Variants in SREBF1 observed in about 807,000 individuals in gnomAD.
The protein encoded by SREBF1 is sterol regulatory element-binding protein 1.
A neutral mutation model predicts 100.1 loss-of-function variants in SREBF1; 45 were observed. The observed-to-expected ratio is 0.45, with a 90% confidence interval of 0.35 to 0.58. The LOEUF (loss-of-function observed/expected upper bound fraction) is 0.58. Ranked by LOEUF, SREBF1 falls within the 20% of genes least tolerant of loss-of-function variation. The pLI, the probability that SREBF1 is intolerant of heterozygous loss-of-function variation, is 0.00. For synonymous variants in SREBF1, 657 were observed against 681.8 expected, an observed-to-expected ratio of 0.96 and a Z score of 0.57; for missense variants, 1,324 against 1,539.4, an observed-to-expected ratio of 0.86 and a Z score of 2.34.
At chr17:17,827,838 C>G (rs780889499) in intron 1 of SREBF1, among the ~76,000 whole-genome samples, 5 of 152,208 alleles carry the variant, frequency 3.3e-5, no homozygotes, top group Non-Finnish European at 5.9e-5. Flanking sequence ...TCTGCCCTGA[C>G]CAGCTATCCT....
rs1241155958 is a variant in SREBF1, at chr17:17,817,385, G to A, written c.1477C>T (p.Leu493Phe). Reference sequence around the variant, plus strand: ...TTGCAGGACAGGCAGAGGAAGACGAGCGTGCACAGGGCCAGGCGGGAGCGG... The same window carrying A: ...TTGCAGGACAGGCAGAGGAAGACGAACGTGCACAGGGCCAGGCGGGAGCGG... ...LDRSRLALCT[L>F]VFLCLSCNPL... Residue 493 changes from leucine to phenylalanine, a missense_variant, in exon 8 of 19, where the codon CTC becomes TTC. Physicochemically the swap from Leu to Phe is conservative, Grantham distance 22. Coordinates refer to ENST00000261646, the MANE Select transcript of SREBF1 (RefSeq NM_004176.5). The surrounding 1 kb of genome is among the most constrained non-coding windows in gnomAD (Gnocchi z 6.6). 6.2e-7 allele frequency: 1 copy of A among 1,606,756 alleles called. No individual in the cohort carries two copies. The highest frequency in any genetic ancestry group is 1.3e-5 in the African/African-American group (1 of 74,828).
chr17:17,835,014 C>T (rs1022816870), intron 1 of SREBF1, among the ~76,000 whole-genome samples: 2 of 152,178 alleles, frequency 1.3e-5, no homozygotes, highest in Non-Finnish European at 2.9e-5. Flanking sequence ...AGGTCTGTAT[C>T]AGACCTGTGG....
chr17:17,816,805 A>G, intron 9 of SREBF1, 87 bp from the exon 10 acceptor site: 1 of 1,573,620 alleles, frequency 6.4e-7, no homozygotes, highest in South Asian at 1.1e-5. Flanking sequence ...CAGGCTCTGG[A>G]GGGGTGGTGG....
At position 17,819,856 on chromosome 17, in the gene SREBF1, G is replaced by C. The variant is rs56174147; in HGVS notation, c.524-131C>G. On this transcript the variant is annotated intron_variant, in intron 2 of 18. Coordinates refer to ENST00000261646, the MANE Select transcript of SREBF1 (RefSeq NM_004176.5). ...ATGTGGCTTCCTATGGACAGTCCCTGCCTGGGCTCTGATGCAAATGCACTG... is the reference window on the plus strand; with the variant it reads ...ATGTGGCTTCCTATGGACAGTCCCTCCCTGGGCTCTGATGCAAATGCACTG... 5,164 of 1,315,960 alleles carry C rather than the reference G, an allele frequency of 3.9e-3. 10 individuals carry two copies. Among genetic ancestry groups the C allele is most frequent in the Non-Finnish European group, 4.8e-3 (4,719 of 986,920 alleles). 81.5% of individuals were successfully genotyped at this position (1,315,960 alleles called of 1,614,324 possible).
rs976691483 is a variant in SREBF1, at chr17:17,812,306, C to G, written c.*316G>C. The G allele has an allele frequency of 1.8e-4, 89 of 498,764 alleles. No homozygotes were observed. In the South Asian group the frequency reaches 1.8e-3, roughly 10 times the overall value. The allele number at this position is 498,764 out of a possible 1,614,324, so 30.9% of individuals were successfully genotyped here. ...TCCGTCAGCACAGGGAAATGTACCCCTCTCTTCCCTGTACACAGGAGGAAA... is the reference window on the plus strand; with the variant it reads ...TCCGTCAGCACAGGGAAATGTACCCGTCTCTTCCCTGTACACAGGAGGAAA... On this transcript the variant is annotated 3_prime_UTR_variant, in exon 19 of 19. Coordinates refer to ENST00000261646, the MANE Select transcript of SREBF1 (RefSeq NM_004176.5).
rs1487345046 is a variant in SREBF1, at chr17:17,811,860, C to A, written c.*762G>T. The A allele has an allele frequency of 4.6e-6, 2 of 439,452 alleles. No homozygotes were observed. Among genetic ancestry groups the A allele is most frequent in the South Asian group, 1.6e-5 (1 of 62,940 alleles). The allele number at this position is 439,452 out of a possible 1,614,324, so 27.2% of individuals were successfully genotyped here. A position where few individuals can be genotyped will look rare whatever the true frequency, so the allele number is the denominator to read the frequency against. The stretch of plus-strand genomic sequence containing the variant: ...GCCCTAAGGGTTGACACAGCCCAAC[C>A]ATGTGCCCTGGGAGCAGGGGGAACA... On this transcript the variant is annotated 3_prime_UTR_variant, in exon 19 of 19. Coordinates refer to ENST00000261646, the MANE Select transcript of SREBF1 (RefSeq NM_004176.5).
At chr17:17,832,886 A>C (rs1598142066) in intron 1 of SREBF1, among the ~76,000 whole-genome samples, 1 of 151,288 alleles carries the variant, frequency 6.6e-6, no homozygotes, top group Admixed American at 6.6e-5. Context: ...GCGCCACTGC[A>C]CTCCAGCCTG....
intron 1 of SREBF1, among the ~76,000 whole-genome samples, chr17:17,826,475 C>T (rs946652600): frequency 6.6e-6 from 1 of 152,068 alleles, no homozygotes; most frequent in African/African-American, 2.4e-5. Context: ...AACCGGGCTT[C>T]CCTATGAACA....
chr17:17,820,348 C>T lies in SREBF1; in HGVS notation c.265G>A (p.Gly89Arg), dbSNP rs780437419. Residue 89 changes from glycine to arginine, a missense_variant, in exon 2 of 19, where the codon GGG becomes AGG. Physicochemically the swap from Gly to Arg is moderately radical, Grantham distance 125 (BLOSUM62 -2). Transcript: ENST00000261646. ...AGGGGTGAGGGCGCTGCCTGCGGCC[C>T]GCTCAGGAAGGCTTCAAGAGAGGAG... Reference protein sequence around the residue: ...LSSSLEAFLSGPQAAPSPLSP... With the variant: ...LSSSLEAFLSRPQAAPSPLSP... The T allele has an allele frequency of 1.1e-5, 18 of 1,612,806 alleles. No homozygotes were observed. Among genetic ancestry groups the T allele is most frequent in the Non-Finnish European group, 1.4e-5 (17 of 1,179,216 alleles).
At chr17:17,827,350 A>G (rs2034552924) in intron 1 of SREBF1, among the ~76,000 whole-genome samples, 1 of 152,174 alleles carries the variant, frequency 6.6e-6, no homozygotes. Flanking sequence ...ACAGGGGAGG[A>G]TGTGGCACAG....
At chr17:17,823,438 G>A in intron 1 of SREBF1, 2 of 984,074 alleles carry the variant, frequency 2.0e-6, no homozygotes, top group East Asian at 2.5e-5. Flanking sequence ...TGCGTAGCCC[G>A]CATGCCCGCC....
chr17:17,825,227 C>T (rs956249094), intron 1 of SREBF1, among the ~76,000 whole-genome samples: 31 of 152,346 alleles, frequency 2.0e-4, no homozygotes, highest in South Asian at 1.5e-3. Flanking sequence ...CAAGCCTGTC[C>T]CCTCCCCTTA....
chr17:17,813,459 C>T lies in SREBF1; in HGVS notation c.3123G>A (p.Thr1041=), dbSNP rs753564046. 3.3e-5 allele frequency: 53 copies of T among 1,603,754 alleles called. No homozygotes were observed. The highest frequency in any genetic ancestry group is 6.8e-5 in the Admixed American group (4 of 59,188). The change falls in exon 18 of 19, where the codon ACG becomes ACA. Residue 1041 remains threonine, a synonymous_variant. Coordinates refer to ENST00000261646, the MANE Select transcript of SREBF1 (RefSeq NM_004176.5). ...GGCTGGCCCCCGCCATCAGCCGGGC[C>T]GTGGCCTCATGTAGGAACACCTGGG... The part of the protein sequence containing the change: ...AMRRVFLHEA[T]ARLMAGASPT...
In SREBF1 at chr17:17,817,018, G is replaced by C; in HGVS notation, c.1725C>G (p.His575Gln). Residue 575 changes from histidine to glutamine, a missense_variant, in exon 9 of 19, where the codon CAC becomes CAG. Physicochemically the swap from His to Gln is conservative, Grantham distance 24. Coordinates refer to ENST00000261646, the MANE Select transcript of SREBF1 (RefSeq NM_004176.5). The surrounding 1 kb of genome is among the most constrained non-coding windows in gnomAD (Gnocchi z 6.6). Reference protein sequence around the residue: ...FVYGEPVTRPHSGPAVYFWRH... With the variant: ...FVYGEPVTRPQSGPAVYFWRH... The stretch of plus-strand genomic sequence containing the variant: ...TCCAGAAGTACACGGCGGGGCCTGA[G>C]TGGGGCCGTGTGACTGGCTCACCGT... 6.2e-7 allele frequency: 1 copy of C among 1,613,120 alleles called. No homozygotes were observed. Among genetic ancestry groups the C allele is most frequent in the East Asian group, 2.2e-5 (1 of 44,882 alleles).
intron 1 of SREBF1, among the ~76,000 whole-genome samples, chr17:17,823,162 G>A (rs2143019161): frequency 6.6e-6 from 1 of 152,322 alleles, no homozygotes; most frequent in African/African-American, 2.4e-5. Flanking sequence ...TGCTGAATAG[G>A]GCAGACGCTG....
intron 2 of SREBF1, 137 bp downstream of exon 2, chr17:17,819,953 G>A: frequency 8.6e-7 from 1 of 1,157,978 alleles, no homozygotes; most frequent in Non-Finnish European, 1.2e-6. Context: ...GCTAGTAACA[G>A]GGCATCTCAA....
At position 17,824,233 on chromosome 17, in the gene SREBF1, AG is replaced by A. The variant is rs2034340975; in HGVS notation, c.92-3713del. On this transcript the variant is annotated intron_variant, in intron 1 of 18. Transcript: ENST00000261646. This position sits in a 1 kb window ranked among gnomAD's most constrained non-coding sequence, Gnocchi z 4.2. Reference sequence around the variant, plus strand: ...GTGGGTGCAGGGACCTCCCCCTTCTAGGGCAGCCCCAGGAAGGGGCCACCCC... The same window carrying A: ...GTGGGTGCAGGGACCTCCCCCTTCTAGGCAGCCCCAGGAAGGGGCCACCCC... Among the ~76,000 whole-genome samples, 1 of 152,154 alleles carries A rather than the reference AG, an allele frequency of 6.6e-6. No homozygotes were observed. Among genetic ancestry groups the A allele is most frequent in the Non-Finnish European group, 1.5e-5 (1 of 68,012 alleles).
At chr17:17,828,032 G>A (rs2034599961) in intron 1 of SREBF1, among the ~76,000 whole-genome samples, 1 of 152,174 alleles carries the variant, frequency 6.6e-6, no homozygotes, top group Admixed American at 6.5e-5. Context: ...CTCCTGTCAG[G>A]GCCTGAACCA....
rs1029745388 is a variant in SREBF1 at position 17,819,392 on chromosome 17, G to A, written c.774C>T (p.Asp258=). The A allele has an allele frequency of 7.4e-6, 12 of 1,613,736 alleles. No individual in the cohort carries two copies. The highest frequency in any genetic ancestry group is 1.3e-5 in the African/African-American group (1 of 74,946). ...GACCTGCCGCCTTCACAGTGGCTCCGTCTGTCTTCATGGCTGTCAGAAGCA... is the reference window on the plus strand; with the variant it reads ...GACCTGCCGCCTTCACAGTGGCTCCATCTGTCTTCATGGCTGTCAGAAGCA... ...DSLLLTAMKT[D]GATVKAAGLS... is the part of the protein sequence containing the mutation. The change falls in exon 4 of 19, where the codon GAC becomes GAT. Residue 258 remains aspartate, a synonymous_variant. Transcript: ENST00000261646.
Sources: gnomAD v4.1 joint callset for allele counts (sites outside exome capture counted in the v4.1 genomes callset) on GRCh38, gnomAD v4.1.1 for gene constraint, Gnocchi (gnomAD v3.1) non-coding constraint, MANE v1.5 for transcripts, NCBI Gene and HGNC (gene_info 2026-07-23, HGNC 2026-07-21) for gene names.